DACH1: variants seen among roughly 807,000 people sequenced by gnomAD.
DACH1 encodes dachshund homolog 1.
DACH1 carries 12 observed loss-of-function variants against 54.2 expected under a neutral mutation model. The observed-to-expected ratio is 0.22, with a 90% CI of 0.14 to 0.36. The LOEUF (loss-of-function observed/expected upper bound fraction) is 0.36, where lower values mean the gene tolerates loss of function less well. DACH1 is among the 10% of genes least tolerant of loss of function. The probability of loss-of-function intolerance (pLI) is 1.00; values close to 1 mark genes in which losing one functional copy is unlikely to be tolerated. For missense variants in DACH1, 805 were observed against 929.8 expected (o/e 0.87, Z 1.75); for synonymous variants, 386 against 366.2 (o/e 1.05, Z -0.62).
intron 6 of DACH1, among the ~76,000 whole-genome samples, chr13:71,540,471 T>C (rs764267551): frequency 6.6e-6 from 1 of 152,140 alleles, no homozygotes; most frequent in African/African-American, 2.4e-5. Flanking sequence ...TTGTTTTAAC[T>C]ATAAACCATA....
At chr13:71,518,669 T>G (rs1176045797) in intron 6 of DACH1, among the ~76,000 whole-genome samples, 1 of 151,828 alleles carries the variant, frequency 6.6e-6, no homozygotes, top group Non-Finnish European at 1.5e-5. Context: ...GTAAAAATAA[T>G]CAGTTTTCAA....
chr13:71,627,286 T>C (rs1233100955), intron 3 of DACH1, among the ~76,000 whole-genome samples: 1 of 144,794 alleles, frequency 6.9e-6, no homozygotes, highest in Non-Finnish European at 1.5e-5. Context: ...ATCTGTTATC[T>C]GGGGCTTTAA....
chr13:71,512,255 T>C (rs1880832711), intron 6 of DACH1, among the ~76,000 whole-genome samples: 1 of 151,894 alleles, frequency 6.6e-6, no homozygotes, highest in Non-Finnish European at 1.5e-5. Context: ...ACCCACCTGT[T>C]GGCATTCTGC....
intron 7 of DACH1, among the ~76,000 whole-genome samples, chr13:71,484,895 T>C (rs1878351655): frequency 6.6e-6 from 1 of 151,932 alleles, no homozygotes; most frequent in Non-Finnish European, 1.5e-5. Context: ...AATGCATCTC[T>C]ACTAAAATGC....
intron 3 of DACH1, among the ~76,000 whole-genome samples, chr13:71,623,012 C>T (rs1222412560): frequency 6.6e-6 from 1 of 151,622 alleles, no homozygotes. Flanking sequence ...CTGCCTTCTG[C>T]TTATCTGCAT....
At chr13:71,779,047 T>A (rs1478122129) in intron 1 of DACH1, among the ~76,000 whole-genome samples, 2 of 151,000 alleles carry the variant, frequency 1.3e-5, no homozygotes, top group Admixed American at 1.3e-4. Context: ...CAAACTTTCT[T>A]ACAGTGTGGA....
chr13:71,857,162 A>C (rs1874053749), intron 1 of DACH1, among the ~76,000 whole-genome samples: 1 of 151,846 alleles, frequency 6.6e-6, no homozygotes, highest in Non-Finnish European at 1.5e-5. Flanking sequence ...ATTTTTAAAC[A>C]GAGAATTTAA....
At chr13:71,479,529 C>T (rs1175517369) in intron 7 of DACH1, among the ~76,000 whole-genome samples, 2 of 152,074 alleles carry the variant, frequency 1.3e-5, no homozygotes, top group Non-Finnish European at 2.9e-5. Flanking sequence ...TTATGGCATG[C>T]AGGTTTAATT....
chr13:71,812,627 T>C (rs748900435), intron 1 of DACH1, among the ~76,000 whole-genome samples: 10 of 152,054 alleles, frequency 6.6e-5, no homozygotes, highest in Non-Finnish European at 1.3e-4. Flanking sequence ...CTAAAGTCTA[T>C]TTCCAATTAA....
chr13:71,714,363 C>T (rs1882875060), intron 1 of DACH1, among the ~76,000 whole-genome samples: 2 of 151,980 alleles, frequency 1.3e-5, no homozygotes, highest in African/African-American at 2.4e-5. Context: ...CAAAACAGGA[C>T]ATGGGCCATT....
chr13:71,713,591 G>T (rs935529602), intron 1 of DACH1, among the ~76,000 whole-genome samples: 8 of 151,996 alleles, frequency 5.3e-5, no homozygotes, highest in East Asian at 1.9e-4. Flanking sequence ...TGTCTTAAAA[G>T]GTAACACTGT....
At chr13:71,548,445 G>C (rs1334676996) in intron 6 of DACH1, among the ~76,000 whole-genome samples, 1 of 152,048 alleles carries the variant, frequency 6.6e-6, no homozygotes, top group African/African-American at 2.4e-5. Flanking sequence ...TAGAATCACT[G>C]AACTTTTAAC....
chr13:71,580,277 T>C (rs1039946621), intron 3 of DACH1, among the ~76,000 whole-genome samples: 1 of 152,224 alleles, frequency 6.6e-6, no homozygotes, highest in Non-Finnish European at 1.5e-5. Context: ...GCCATGTTAA[T>C]GAATTTCTAC....
chr13:71,635,888 C>T (rs1877453739), intron 2 of DACH1, among the ~76,000 whole-genome samples: 1 of 152,156 alleles, frequency 6.6e-6, no homozygotes, highest in South Asian at 2.1e-4. Flanking sequence ...TCAAGCAATT[C>T]TCCTGCCTCA....
At chr13:71,721,118 C>T (rs1883210625) in intron 1 of DACH1, among the ~76,000 whole-genome samples, 1 of 152,156 alleles carries the variant, frequency 6.6e-6, no homozygotes, top group African/African-American at 2.4e-5. Context: ...AAGTAAAAAT[C>T]TATATCCAAA....
At chr13:71,468,151 C>T (rs557027581) in intron 10 of DACH1, among the ~76,000 whole-genome samples, 5 of 152,116 alleles carry the variant, frequency 3.3e-5, no homozygotes, top group South Asian at 2.1e-4. Flanking sequence ...AAACACAAGT[C>T]GATTTCCCAA....
intron 1 of DACH1, among the ~76,000 whole-genome samples, chr13:71,722,521 A>G (rs1175271627): frequency 6.6e-6 from 1 of 152,194 alleles, no homozygotes; most frequent in Admixed American, 6.5e-5. Flanking sequence ...CTTCCGGATA[A>G]TAATACTTGA....
At chr13:71,645,871 A>G (rs1878227684) in intron 2 of DACH1, among the ~76,000 whole-genome samples, 1 of 152,194 alleles carries the variant, frequency 6.6e-6, no homozygotes, top group South Asian at 2.1e-4. Flanking sequence ...AAATATCTAA[A>G]CATTGCTGCA....
At position 71,866,870 on chromosome 13, in the gene DACH1, G is replaced by T. The variant is rs755390976; in HGVS notation, c.-101C>A. 5 of 861,568 alleles carry T rather than the reference G, an allele frequency of 5.8e-6. No homozygotes were observed. The South Asian group carries it at 2.8e-4, about 48-fold the overall frequency. The allele number at this position is 861,568 out of a possible 1,614,324, so 53.4% of individuals were successfully genotyped here. On this transcript the variant is annotated 5_prime_UTR_variant, in exon 1 of 11. Transcript: ENST00000613252. Reference sequence around the variant, plus strand: ...AAAAAAGGGGGGAGAAGGAGCGAGGGGGGCAACAACAACTCCGGGAGAGAA... The same window carrying T: ...AAAAAAGGGGGGAGAAGGAGCGAGGTGGGCAACAACAACTCCGGGAGAGAA...
Sources: allele counts gnomAD v4.1 joint callset (sites outside exome capture counted in the v4.1 genomes callset), GRCh38; gene constraint gnomAD v4.1.1; transcripts MANE v1.5; gene names NCBI Gene and HGNC (gene_info 2026-07-23, HGNC 2026-07-21).